The following MEI4 variants were observed in gnomAD, a reference collection of about 807,000 sequenced individuals.
MEI4 encodes the protein meiotic double-stranded break formation protein 4.
In MEI4, 27 loss-of-function variants were observed where a neutral mutation model predicts 31.4. The ratio of observed to expected loss-of-function variants is 0.86; its 90% CI spans 0.63 to 1.19. The LOEUF (loss-of-function observed/expected upper bound fraction) is 1.19. MEI4 is among the 50% of genes most tolerant of loss of function. MEI4 has a pLI of 0.00. For synonymous variants in MEI4, 122 were observed against 145.4 expected, an observed-to-expected ratio of 0.84 and a Z score of 1.16; for missense variants, 329 against 398.9, an observed-to-expected ratio of 0.82 and a Z score of 1.49.
intron 4 of MEI4, among the ~76,000 whole-genome samples, chr6:77,835,028 C>G (rs1271656094): frequency 6.6e-6 from 1 of 151,878 alleles, no homozygotes. Flanking sequence ...GAGTTTTTGA[C>G]TATTACTATA....
chr6:77,909,955 A>T (rs936769492), intron 4 of MEI4, among the ~76,000 whole-genome samples: 8 of 152,178 alleles, frequency 5.3e-5, no homozygotes, highest in African/African-American at 1.4e-4. Context: ...CAAAGACAAA[A>T]ACCACATGAT....
chr6:77,739,994 G>A (rs1287209942), intron 2 of MEI4, among the ~76,000 whole-genome samples: 2 of 152,030 alleles, frequency 1.3e-5, no homozygotes, highest in Admixed American at 6.6e-5. Context: ...ATCCTGTTAT[G>A]TTGTATCTTT....
chr6:77,850,086 T>C (rs1770579500), intron 4 of MEI4, among the ~76,000 whole-genome samples: 3 of 152,160 alleles, frequency 2.0e-5, no homozygotes, highest in Admixed American at 1.3e-4. Flanking sequence ...AACTACTTTA[T>C]TGAAAAGCAC....
intron 3 of MEI4, among the ~76,000 whole-genome samples, chr6:77,770,524 A>C (rs1287968483): frequency 2.0e-5 from 3 of 152,174 alleles, no homozygotes; most frequent in East Asian, 3.8e-4. Context: ...ACACAGAACC[A>C]AAAAAGAGCC....
chr6:77,697,734 A>G (rs1041058393), intron 2 of MEI4, among the ~76,000 whole-genome samples: 12 of 151,922 alleles, frequency 7.9e-5, no homozygotes, highest in Non-Finnish European at 4.4e-5. Context: ...TGAAAAAAGT[A>G]TATATTCTGT....
chr6:77,775,261 A>G (rs1416073538), intron 3 of MEI4, among the ~76,000 whole-genome samples: 11 of 152,052 alleles, frequency 7.2e-5, no homozygotes, highest in Non-Finnish European at 1.3e-4. Flanking sequence ...TTTAGTCGTC[A>G]TTTCTGAGAT....
At chr6:77,753,011 C>G (rs910404078) in intron 2 of MEI4, among the ~76,000 whole-genome samples, 3 of 152,146 alleles carry the variant, frequency 2.0e-5, no homozygotes, top group African/African-American at 4.8e-5. Context: ...AAAGGATTCC[C>G]TATTTAATAA....
intron 1 of MEI4, among the ~76,000 whole-genome samples, chr6:77,679,020 T>C (rs1768901346): frequency 6.6e-6 from 1 of 152,148 alleles, no homozygotes; most frequent in Non-Finnish European, 1.5e-5. Context: ...GTATTGGATA[T>C]GGCTATACAA....
chr6:77,920,176 G>A (rs1434648761), intron 4 of MEI4, among the ~76,000 whole-genome samples: 1 of 151,412 alleles, frequency 6.6e-6, no homozygotes, highest in Non-Finnish European at 1.5e-5. Flanking sequence ...TGATACCAAA[G>A]CCTGGCAGAG....
chr6:77,831,006 G>A (rs1770065384), intron 4 of MEI4, among the ~76,000 whole-genome samples: 1 of 151,822 alleles, frequency 6.6e-6, no homozygotes, highest in Admixed American at 6.6e-5. Context: ...CTAGCTATCT[G>A]ACAAAGGATT....
At chr6:77,711,055 A>G (rs529740578) in intron 2 of MEI4, among the ~76,000 whole-genome samples, 7 of 152,272 alleles carry the variant, frequency 4.6e-5, no homozygotes, top group Admixed American at 3.3e-4. Context: ...TCCACATATA[A>G]GTGAGATGAT....
chr6:77,759,473 T>A (rs956692600), intron 2 of MEI4, among the ~76,000 whole-genome samples: 2 of 152,164 alleles, frequency 1.3e-5, no homozygotes, highest in Non-Finnish European at 2.9e-5. Context: ...CTGACTAGAT[T>A]TTCTCCAGCT....
At chr6:77,852,242 T>C (rs1283440533) in intron 4 of MEI4, among the ~76,000 whole-genome samples, 1 of 152,110 alleles carries the variant, frequency 6.6e-6, no homozygotes, top group Non-Finnish European at 1.5e-5. Context: ...GCAACAGCAG[T>C]AAAAAACTTT....
At chr6:77,735,086 C>A (rs948332966) in intron 2 of MEI4, among the ~76,000 whole-genome samples, 1 of 152,012 alleles carries the variant, frequency 6.6e-6, no homozygotes, top group African/African-American at 2.4e-5. Flanking sequence ...TTCATTTCTA[C>A]TTCGGTGAAC....
intron 1 of MEI4, among the ~76,000 whole-genome samples, chr6:77,684,639 T>C (rs915563084): frequency 2.6e-5 from 4 of 152,028 alleles, no homozygotes; most frequent in Admixed American, 2.6e-4. Context: ...TTACTTAATA[T>C]AATTATCTCC....
At chr6:77,728,388 T>C (rs1031034217) in intron 2 of MEI4, among the ~76,000 whole-genome samples, 3 of 150,286 alleles carry the variant, frequency 2.0e-5, no homozygotes, top group African/African-American at 7.5e-5. Flanking sequence ...ATCATGCATA[T>C]AGTTTTTTCT....
At chr6:77,922,823 C>T (rs1766736381) in intron 4 of MEI4, among the ~76,000 whole-genome samples, 1 of 151,696 alleles carries the variant, frequency 6.6e-6, no homozygotes, top group South Asian at 2.1e-4. Context: ...TTCTCAGATT[C>T]ATTTGAGTAT....
At chr6:77,919,549 A>G (rs1030250320) in intron 4 of MEI4, among the ~76,000 whole-genome samples, 5 of 152,062 alleles carry the variant, frequency 3.3e-5, no homozygotes, top group Non-Finnish European at 7.4e-5. Context: ...GAAAGCAGGA[A>G]AGATCCAAAA....
intron 4 of MEI4, among the ~76,000 whole-genome samples, chr6:77,834,292 T>C (rs542729980): frequency 2.4e-3 from 363 of 151,310 alleles, no homozygotes; most frequent in African/African-American, 8.5e-3. Flanking sequence ...AAGGTATTTC[T>C]GTTAAAAATT....
Sources: allele counts gnomAD v4.1 joint callset (sites outside exome capture counted in the v4.1 genomes callset), GRCh38; gene constraint gnomAD v4.1.1; transcripts MANE v1.5; gene names NCBI Gene and HGNC (gene_info 2026-07-23, HGNC 2026-07-21).